MDFIC: variants seen among roughly 807,000 people sequenced by gnomAD.
MDFIC encodes the protein MyoD family inhibitor domain containing.
In MDFIC, 17 loss-of-function variants were observed where a neutral mutation model predicts 23.2. The ratio of observed to expected loss-of-function variants is 0.73; its 90% CI spans 0.50 to 1.10. The LOEUF (loss-of-function observed/expected upper bound fraction) is 1.10, where lower values mean the gene tolerates loss of function less well. Ranked by LOEUF, MDFIC falls within the 50% of genes least tolerant of loss-of-function variation. MDFIC has a pLI of 0.00. For synonymous variants in MDFIC, 120 were observed against 115.2 expected, an observed-to-expected ratio of 1.04 and a Z score of -0.27; for missense variants, 356 against 316.6, an observed-to-expected ratio of 1.12 and a Z score of -0.95.
intron 4 of MDFIC, among the ~76,000 whole-genome samples, chr7:114,995,761 G>A (rs566437831): frequency 3.6e-4 from 55 of 152,308 alleles, no homozygotes; most frequent in African/African-American, 1.3e-3. Context: ...CCCTACTGGG[G>A]GGTGCCTCCC....
chr7:114,986,554 C>G (rs1793517488), intron 4 of MDFIC, among the ~76,000 whole-genome samples: 1 of 152,188 alleles, frequency 6.6e-6, no homozygotes, highest in Non-Finnish European at 1.5e-5. Flanking sequence ...CTGCAAACTC[C>G]AGGTCTAACT....
At chr7:114,987,022 A>G (rs1793527511) in intron 4 of MDFIC, among the ~76,000 whole-genome samples, 1 of 152,162 alleles carries the variant, frequency 6.6e-6, no homozygotes. Flanking sequence ...AAAGGGCAGG[A>G]ATGGCTGAAA....
chr7:115,016,755 T>C lies in MDFIC; in HGVS notation c.*820T>C, dbSNP rs959611022. 1 of 148,254 alleles carries C rather than the reference T, an allele frequency of 6.7e-6. No homozygotes were observed. The highest frequency in any genetic ancestry group is 2.5e-5 in the African/African-American group (1 of 39,842). The allele number at this position is 148,254 out of a possible 1,614,324, so 9.2% of individuals were successfully genotyped here. A position where few individuals can be genotyped will look rare whatever the true frequency, so the allele number is the denominator to read the frequency against. ...CCACATAATAGTTGGGAACCAGTGT[T>C]GATCTCTCTCCCTTACCTTCTCCAC... On this transcript the variant is annotated 3_prime_UTR_variant, in exon 5 of 5. Coordinates refer to ENST00000393486, the MANE Select transcript of MDFIC (RefSeq NM_001166345.3).
intron 2 of MDFIC, among the ~76,000 whole-genome samples, chr7:114,924,102 C>T (rs1223446192): frequency 6.6e-6 from 1 of 152,208 alleles, no homozygotes; most frequent in Non-Finnish European, 1.5e-5. Context: ...AATGTTCTGG[C>T]ACCCAGGGCT....
intron 3 of MDFIC, among the ~76,000 whole-genome samples, chr7:114,952,953 A>G (rs1032682352): frequency 6.6e-6 from 1 of 152,218 alleles, no homozygotes; most frequent in African/African-American, 2.4e-5. Context: ...CAACAACACC[A>G]CACCCAACGA....
rs761711440 is a variant in MDFIC at position 114,979,647 on chromosome 7, A to C, written c.359A>C (p.Asn120Thr). 1 of 1,614,108 alleles carries C rather than the reference A, an allele frequency of 6.2e-7. No individual in the cohort carries two copies. Among genetic ancestry groups the C allele is most frequent in the East Asian group, 2.2e-5 (1 of 44,868 alleles). ...GGGGCCAAACACGGATCCGCAGATAATCGCAAACTTTCAGCACCTGTTTCT... is the reference window on the plus strand; with the variant it reads ...GGGGCCAAACACGGATCCGCAGATACTCGCAAACTTTCAGCACCTGTTTCT... ...HHGAKHGSAD[N>T]RKLSAPVSQK... is the part of the protein sequence containing the mutation. Residue 120 changes from asparagine to threonine, a missense_variant, in exon 4 of 5, where the codon AAT becomes ACT. Coordinates refer to ENST00000393486, the MANE Select transcript of MDFIC (RefSeq NM_001166345.3).
chr7:114,969,856 T>C (rs1256200197), intron 3 of MDFIC, among the ~76,000 whole-genome samples: 2 of 152,234 alleles, frequency 1.3e-5, no homozygotes, highest in African/African-American at 4.8e-5. Context: ...TGTCATGTTA[T>C]TCCACAGACC....
intron 3 of MDFIC, among the ~76,000 whole-genome samples, chr7:114,963,768 T>C (rs1400817287): frequency 2.0e-5 from 3 of 152,110 alleles, no homozygotes; most frequent in African/African-American, 4.8e-5. Flanking sequence ...TTTGTAGAGA[T>C]GGGATCTTGT....
chr7:114,978,140 G>A lies in MDFIC; in HGVS notation c.218-1366G>A, dbSNP rs111796190. Among the ~76,000 whole-genome samples, 854 of 151,708 alleles carry A rather than the reference G, an allele frequency of 5.6e-3. 6 individuals are homozygous for A. The highest frequency in any genetic ancestry group is 0.019 in the African/African-American group (792 of 41,418). On this transcript the variant is annotated intron_variant, in intron 3 of 4. Transcript: ENST00000393486. ...TATTTGGGGCTCAATAATTTCATAA[G>A]CTTCATTGGCTTGTATGTCTATGCC... is the stretch of plus-strand genomic sequence containing the variant.
intron 3 of MDFIC, among the ~76,000 whole-genome samples, chr7:114,944,344 C>T (rs1359587924): frequency 6.6e-6 from 1 of 152,134 alleles, no homozygotes; most frequent in African/African-American, 2.4e-5. Flanking sequence ...CATAAGCTGG[C>T]AAATATTTCC....
chr7:114,946,094 C>A (rs542630285), intron 3 of MDFIC, among the ~76,000 whole-genome samples: 1 of 152,034 alleles, frequency 6.6e-6, no homozygotes, highest in Non-Finnish European at 1.5e-5. Context: ...CTATTTAACC[C>A]GTAATATGCA....
At chr7:114,962,923 T>C (rs1253244655) in intron 3 of MDFIC, among the ~76,000 whole-genome samples, 2 of 152,224 alleles carry the variant, frequency 1.3e-5, no homozygotes, top group East Asian at 3.8e-4. Flanking sequence ...AATTTCAATA[T>C]AAATAAGTTT....
chr7:114,999,402 A>G (rs1279193524), intron 4 of MDFIC, among the ~76,000 whole-genome samples: 1 of 151,978 alleles, frequency 6.6e-6, no homozygotes, highest in Non-Finnish European at 1.5e-5. Context: ...TCCAAAATAC[A>G]TACTTGTTTA....
chr7:114,942,031 A>G (rs1410492467), intron 2 of MDFIC, among the ~76,000 whole-genome samples: 3 of 152,044 alleles, frequency 2.0e-5, no homozygotes, highest in African/African-American at 7.3e-5. Context: ...TTACTTGTTT[A>G]CTGTAAACTT....
At chr7:114,950,559 A>G (rs1304964232) in intron 3 of MDFIC, among the ~76,000 whole-genome samples, 1 of 152,200 alleles carries the variant, frequency 6.6e-6, no homozygotes, top group Non-Finnish European at 1.5e-5. Context: ...TAAAACAGGT[A>G]TAGATATAGT....
chr7:114,980,040 T>C lies in MDFIC; in HGVS notation c.493+259T>C. On this transcript the variant is annotated intron_variant, in intron 4 of 4. Coordinates refer to ENST00000393486, the MANE Select transcript of MDFIC (RefSeq NM_001166345.3). Reference sequence around the variant, plus strand: ...TTAAATATAACTGCTATACTTCTTTTTTTAATGCCACATTTAAAAATATAA... The same window carrying C: ...TTAAATATAACTGCTATACTTCTTTCTTTAATGCCACATTTAAAAATATAA... The C allele has an allele frequency of 6.2e-6, 3 of 480,598 alleles. No individual in the cohort carries two copies. The South Asian group carries it at 6.3e-5, about 10-fold the overall frequency. The allele number at this position is 480,598 out of a possible 1,614,324, so 29.8% of individuals were successfully genotyped here. A position where few individuals can be genotyped will look rare whatever the true frequency, so the allele number is the denominator to read the frequency against.
chr7:114,926,299 T>G (rs545836523), intron 2 of MDFIC, among the ~76,000 whole-genome samples: 1 of 152,314 alleles, frequency 6.6e-6, no homozygotes, highest in Admixed American at 6.5e-5. Context: ...GTCCAAAGAA[T>G]TTAAGTGACT....
At chr7:114,992,284 G>A (rs928414618) in intron 4 of MDFIC, among the ~76,000 whole-genome samples, 41 of 152,272 alleles carry the variant, frequency 2.7e-4, no homozygotes, top group Admixed American at 8.5e-4. Flanking sequence ...ATACAATTAC[G>A]TCATCTGCAA....
chr7:114,952,601 A>G (rs1224380146), intron 3 of MDFIC, among the ~76,000 whole-genome samples: 1 of 152,166 alleles, frequency 6.6e-6, no homozygotes, highest in Non-Finnish European at 1.5e-5. Context: ...AAAGTGAACC[A>G]TAGAAGAGAG....
Sources: gnomAD v4.1 joint callset for allele counts (sites outside exome capture counted in the v4.1 genomes callset) on GRCh38, gnomAD v4.1.1 for gene constraint, MANE v1.5 for transcripts, NCBI Gene and HGNC (gene_info 2026-07-23, HGNC 2026-07-21) for gene names.